The following CLVS1 variants were observed in gnomAD, a reference collection of about 807,000 sequenced individuals.
CLVS1 encodes the protein clavesin-1.
In CLVS1, 10 loss-of-function variants were observed where a neutral mutation model predicts 33.1. The ratio of observed to expected loss-of-function variants is 0.30; its 90% CI spans 0.19 to 0.51. The LOEUF (loss-of-function observed/expected upper bound fraction) is 0.51, where lower values mean the gene tolerates loss of function less well. Among genes scored for constraint, CLVS1 ranks in the 20% least tolerant of loss-of-function variants. The probability of loss-of-function intolerance (pLI) is 0.97; values close to 1 mark genes in which losing one functional copy is unlikely to be tolerated. For synonymous variants in CLVS1, 163 were observed against 166.1 expected (o/e 0.98, Z 0.14); for missense variants, 343 against 433.4 (o/e 0.79, Z 1.85).
chr8:61,479,162 A>G (rs1818081082), intron 5 of CLVS1, among the ~76,000 whole-genome samples: 1 of 152,234 alleles, frequency 6.6e-6, no homozygotes, highest in Non-Finnish European at 1.5e-5. Context: ...CCTGGATAAT[A>G]TTCTGAAGAG....
chr8:61,202,302 G>C, intron 2 of CLVS1: 1 of 645,078 alleles, frequency 1.6e-6, no homozygotes, highest in Non-Finnish European at 2.8e-6. Context: ...AGCAGCATTC[G>C]TTTATCTTCG....
At chr8:61,467,517 G>A (rs1419739088) in intron 5 of CLVS1, among the ~76,000 whole-genome samples, 1 of 152,130 alleles carries the variant, frequency 6.6e-6, no homozygotes, top group Non-Finnish European at 1.5e-5. Flanking sequence ...TTGATTTCCA[G>A]GAATGAGAAG....
At chr8:61,257,572 G>C (rs372180378) in intron 2 of CLVS1, among the ~76,000 whole-genome samples, 2 of 152,262 alleles carry the variant, frequency 1.3e-5, no homozygotes, top group East Asian at 3.9e-4. Flanking sequence ...CAGAGCAAAG[G>C]CTGAAAAACC....
intron 2 of CLVS1, among the ~76,000 whole-genome samples, chr8:61,339,644 G>C (rs1188721285): frequency 6.6e-6 from 1 of 151,836 alleles, no homozygotes; most frequent in Non-Finnish European, 1.5e-5. Context: ...TCAGCAAGCA[G>C]GTATGCAGGA....
chr8:61,082,065 G>A (rs1225915467), intron 1 of CLVS1, among the ~76,000 whole-genome samples: 1 of 152,142 alleles, frequency 6.6e-6, no homozygotes, highest in Non-Finnish European at 1.5e-5. Context: ...TTGAAAAAGT[G>A]AACAACATGC....
chr8:61,254,184 A>G (rs1306727425), intron 2 of CLVS1, among the ~76,000 whole-genome samples: 2 of 152,048 alleles, frequency 1.3e-5, no homozygotes, highest in Non-Finnish European at 2.9e-5. Context: ...CTGGAGGTCC[A>G]CTCCAGACCC....
intron 2 of CLVS1, among the ~76,000 whole-genome samples, chr8:61,164,443 G>A (rs1585655319): frequency 6.6e-6 from 1 of 152,344 alleles, no homozygotes; most frequent in East Asian, 1.9e-4. Flanking sequence ...ATTAGAAACT[G>A]TGTCCACCCA....
chr8:61,085,186 T>A (rs1366199823), intron 1 of CLVS1, among the ~76,000 whole-genome samples: 2 of 152,230 alleles, frequency 1.3e-5, no homozygotes, highest in African/African-American at 4.8e-5. Flanking sequence ...GAGGGTTGAA[T>A]AATGTCACTG....
intron 3 of CLVS1, among the ~76,000 whole-genome samples, chr8:61,394,296 A>C (rs1289462858): frequency 6.6e-6 from 1 of 152,192 alleles, no homozygotes; most frequent in Non-Finnish European, 1.5e-5. Flanking sequence ...CTTTCAAGAG[A>C]GCACCAGTTG....
At position 61,499,765 on chromosome 8, in the gene CLVS1, G is replaced by GGAT. The variant is rs1477742819; in HGVS notation, c.*228_*230dup. 2.7e-6 allele frequency: 1 copy of GGAT among 375,658 alleles called. No homozygotes were observed. The highest frequency in any genetic ancestry group is 2.0e-5 in the African/African-American group (1 of 49,776). The allele number at this position is 375,658 out of a possible 1,614,324, so 23.3% of individuals were successfully genotyped here. On this transcript the variant is annotated 3_prime_UTR_variant, in exon 6 of 6. Transcript: ENST00000325897. ...TTTTTCCCCCAGTGAGGGGACTGGA[G>GGAT]GATGATGCAAGGCATTTATGTAAAA...
At chr8:61,122,930 C>A (rs905190170) in intron 1 of CLVS1, among the ~76,000 whole-genome samples, 1 of 143,900 alleles carries the variant, frequency 6.9e-6, no homozygotes, top group African/African-American at 2.5e-5. Context: ...TTTCTGCATG[C>A]TTTTTATAAA....
At chr8:61,387,966 ACTT>A (rs1274678638) in intron 3 of CLVS1, among the ~76,000 whole-genome samples, 3 of 152,144 alleles carry the variant, frequency 2.0e-5, no homozygotes, top group African/African-American at 7.2e-5. Context: ...CTGTATAACG[ACTT>A]CTTTTCCTGT....
chr8:61,004,482 G>T, the CLVS1 span, among the ~76,000 whole-genome samples: 4 of 152,216 alleles, frequency 2.6e-5, no homozygotes, highest in African/African-American at 7.2e-5. Context: ...CTGACTGAAG[G>T]CTCAGTTCAG....
At chr8:61,086,171 G>A (rs1390255953) in intron 1 of CLVS1, among the ~76,000 whole-genome samples, 1 of 150,554 alleles carries the variant, frequency 6.6e-6, no homozygotes, top group East Asian at 1.9e-4. Flanking sequence ...AGGTTGCAGT[G>A]AGCCAAGATT....
intron 2 of CLVS1, among the ~76,000 whole-genome samples, chr8:61,167,684 C>T (rs938110376): frequency 6.6e-6 from 1 of 152,082 alleles, no homozygotes; most frequent in Non-Finnish European, 1.5e-5. Flanking sequence ...TATTCTAAGT[C>T]ACAGGATGAG....
At chr8:61,183,796 GA>G (rs1255394621) in intron 2 of CLVS1, among the ~76,000 whole-genome samples, 8 of 152,302 alleles carry the variant, frequency 5.3e-5, no homozygotes, top group East Asian at 3.9e-4. Flanking sequence ...CACCCCGAAT[GA>G]GTAAGTAGAA....
In CLVS1 at chr8:61,374,082, A is replaced by G. The variant is rs184822238; in HGVS notation, c.456-2523A>G. ...TCATGGTGCCAGTGGTTAAAGTTAC[A>G]ATAATGTTTACTGTCAAATCAAGTC... On this transcript the variant is annotated intron_variant, in intron 2 of 5. Coordinates refer to ENST00000325897, the MANE Select transcript of CLVS1 (RefSeq NM_173519.3). Among the ~76,000 whole-genome samples the G allele has an allele frequency of 6.6e-5, 10 of 152,334 alleles. No homozygotes were observed. The East Asian group carries it at 1.9e-3, about 29-fold the overall frequency.
At chr8:61,050,734 T>C in the CLVS1 span, among the ~76,000 whole-genome samples, 6,706 of 152,322 alleles carry the variant, frequency 0.044, 193 homozygotes, top group South Asian at 0.13. Flanking sequence ...CACTCATCCA[T>C]CTGGCCTTAG....
intron 2 of CLVS1, among the ~76,000 whole-genome samples, chr8:61,164,231 G>A (rs1806810715): frequency 6.6e-6 from 1 of 152,166 alleles, no homozygotes; most frequent in Non-Finnish European, 1.5e-5. Flanking sequence ...GGAATTCTTA[G>A]TCGGCCTAGG....
Sources: allele counts gnomAD v4.1 joint callset (sites outside exome capture counted in the v4.1 genomes callset), GRCh38; gene constraint gnomAD v4.1.1; transcripts MANE v1.5; gene names NCBI Gene and HGNC (gene_info 2026-07-23, HGNC 2026-07-21).